Variants in CCDC102B observed in about 807,000 individuals in gnomAD.
The protein encoded by CCDC102B is coiled-coil domain-containing protein 102B.
A neutral mutation model predicts 57.4 loss-of-function variants in CCDC102B; 75 were observed. The ratio of observed to expected loss-of-function variants is 1.31; its 90% CI spans 1.08 to 1.58. The LOEUF (loss-of-function observed/expected upper bound fraction) is 1.58, where lower values mean the gene tolerates loss of function less well. Among genes scored for constraint, CCDC102B ranks in the 40% most tolerant of loss-of-function variants. The pLI is 0.00. For missense variants in CCDC102B, 636 were observed against 582.6 expected (o/e 1.09, Z -0.94); for synonymous variants, 206 against 201.9 (o/e 1.02, Z -0.17).
chr18:68,739,226 T>C (rs530386749), intron 2 of CCDC102B, among the ~76,000 whole-genome samples: 1 of 152,232 alleles, frequency 6.6e-6, no homozygotes, highest in African/African-American at 2.4e-5. Context: ...AAACTCCTGG[T>C]CTAAAGTGAT....
intron 6 of CCDC102B, among the ~76,000 whole-genome samples, chr18:68,910,331 A>G (rs2040795481): frequency 6.6e-6 from 1 of 152,192 alleles, no homozygotes; most frequent in Admixed American, 6.5e-5. Context: ...ATCAACAAAA[A>G]TCAATTAGGT....
downstream of CCDC102B, among the ~76,000 whole-genome samples, chr18:69,057,572 A>G (rs942945057): frequency 1.3e-5 from 2 of 152,002 alleles, no homozygotes; most frequent in African/African-American, 2.4e-5. Flanking sequence ...GGAGTCAGAC[A>G]GCTACTTCCC....
intron 2 of CCDC102B, among the ~76,000 whole-genome samples, chr18:68,747,003 A>C (rs892803779): frequency 6.6e-6 from 1 of 152,138 alleles, no homozygotes; most frequent in East Asian, 1.9e-4. Flanking sequence ...ATTTTGATAC[A>C]TGGATACAAT....
At chr18:68,737,510 G>A (rs915093006) in intron 2 of CCDC102B, among the ~76,000 whole-genome samples, 6 of 151,854 alleles carry the variant, frequency 4.0e-5, no homozygotes, top group Admixed American at 3.9e-4. Flanking sequence ...GTCTGTGTGT[G>A]TGTGAAGGGA....
chr18:68,960,556 C>G (rs2050020574), intron 6 of CCDC102B, among the ~76,000 whole-genome samples: 1 of 152,154 alleles, frequency 6.6e-6, no homozygotes, highest in Non-Finnish European at 1.5e-5. Context: ...TACACTGGCT[C>G]AGAGCCCAGC....
intron 6 of CCDC102B, among the ~76,000 whole-genome samples, chr18:68,981,436 A>G (rs1035278581): frequency 1.3e-5 from 2 of 152,056 alleles, no homozygotes; most frequent in African/African-American, 4.8e-5. Flanking sequence ...TTGTCAGATA[A>G]CTATTGGCTT....
chr18:68,742,726 C>T (rs776535172), intron 2 of CCDC102B, among the ~76,000 whole-genome samples: 2 of 152,176 alleles, frequency 1.3e-5, no homozygotes, highest in Non-Finnish European at 2.9e-5. Context: ...TTTGCCATTA[C>T]TAACCACTGG....
At chr18:68,765,846 C>CT (rs953325534) in intron 2 of CCDC102B, among the ~76,000 whole-genome samples, 29 of 151,576 alleles carry the variant, frequency 1.9e-4, no homozygotes, top group Non-Finnish European at 3.8e-4. Flanking sequence ...TTCTTTCTTT[C>CT]TTTTTTTTAG....
chr18:68,721,182 T>A (rs2032305317), intron 2 of CCDC102B: 1 of 152,228 alleles, frequency 6.6e-6, no homozygotes, highest in South Asian at 2.1e-4. Flanking sequence ...AGGCATCTAC[T>A]TAAACAGCAT....
At chr18:68,732,633 C>A (rs1240311722) in intron 2 of CCDC102B, among the ~76,000 whole-genome samples, 1 of 152,148 alleles carries the variant, frequency 6.6e-6, no homozygotes, top group African/African-American at 2.4e-5. Flanking sequence ...AGGCATGACC[C>A]ACAGCGCCCG....
chr18:69,051,356 A>T (rs766754118), intron 7 of CCDC102B, among the ~76,000 whole-genome samples: 5 of 152,074 alleles, frequency 3.3e-5, no homozygotes, highest in Admixed American at 6.6e-5. Flanking sequence ...TCTAAGGAGA[A>T]AATTATAATA....
intron 1 of CCDC102B, among the ~76,000 whole-genome samples, chr18:68,804,437 A>T (rs1378711234): frequency 6.6e-6 from 1 of 152,170 alleles, no homozygotes; most frequent in Non-Finnish European, 1.5e-5. Context: ...AAATTTCAGA[A>T]AATTAATGAA....
chr18:68,911,485 G>A (rs780304520), intron 6 of CCDC102B, among the ~76,000 whole-genome samples: 4 of 150,746 alleles, frequency 2.7e-5, no homozygotes, highest in Admixed American at 6.6e-5. Flanking sequence ...GGGCGCGGTG[G>A]CTCACGCCTG....
intron 6 of CCDC102B, among the ~76,000 whole-genome samples, chr18:68,946,279 C>T (rs1196479893): frequency 1.3e-5 from 2 of 151,994 alleles, no homozygotes; most frequent in Admixed American, 6.6e-5. Flanking sequence ...TACTTAGCAA[C>T]ACGTATTCAT....
At chr18:68,874,236 T>G (rs2039354573) in intron 4 of CCDC102B, among the ~76,000 whole-genome samples, 2 of 150,170 alleles carry the variant, frequency 1.3e-5, no homozygotes, top group Non-Finnish European at 3.0e-5. Flanking sequence ...TTTATTTCCA[T>G]TGCCCAAGTT....
At chr18:68,963,933 CT>C (rs1201164487) in intron 6 of CCDC102B, among the ~76,000 whole-genome samples, 2 of 151,836 alleles carry the variant, frequency 1.3e-5, no homozygotes, top group Non-Finnish European at 2.9e-5. Context: ...TAAATGTCTT[CT>C]TCTCCATCAA....
intron 1 of CCDC102B, among the ~76,000 whole-genome samples, chr18:68,804,718 C>T (rs2035971701): frequency 6.6e-6 from 1 of 152,120 alleles, no homozygotes; most frequent in African/African-American, 2.4e-5. Context: ...GTAGAAGTCA[C>T]TGATTTCCTG....
intron 4 of CCDC102B, among the ~76,000 whole-genome samples, chr18:68,851,846 C>T (rs2038141631): frequency 6.6e-6 from 1 of 152,036 alleles, no homozygotes; most frequent in Non-Finnish European, 1.5e-5. Flanking sequence ...CACACAATGG[C>T]AATGTTTTAC....
At chr18:68,852,136 C>G (rs534132783) in intron 4 of CCDC102B, among the ~76,000 whole-genome samples, 18 of 131,616 alleles carry the variant, frequency 1.4e-4, no homozygotes, top group Middle Eastern at 4.0e-3. Context: ...CCACTTCCCT[C>G]TCCCCCACTA....
Sources: allele counts gnomAD v4.1 joint callset (sites outside exome capture counted in the v4.1 genomes callset), GRCh38; gene constraint gnomAD v4.1.1; transcripts MANE v1.5; gene names NCBI Gene and HGNC (gene_info 2026-07-23, HGNC 2026-07-21).